B3GLCT: variants seen among roughly 807,000 people sequenced by gnomAD.
The protein encoded by B3GLCT is beta-1,3-glucosyltransferase.
A neutral mutation model predicts 63.4 loss-of-function variants in B3GLCT; 65 were observed. The observed-to-expected ratio is 1.03, with a 90% confidence interval of 0.84 to 1.26. The LOEUF (loss-of-function observed/expected upper bound fraction) is 1.26, where lower values mean the gene tolerates loss of function less well. B3GLCT is among the 50% of genes most tolerant of loss of function. The pLI, the probability that B3GLCT is intolerant of heterozygous loss-of-function variation, is 0.00. For missense variants in B3GLCT, 577 were observed against 604.8 expected (o/e 0.95, Z 0.48); for synonymous variants, 233 against 219.2 (o/e 1.06, Z -0.55).
intron 6 of B3GLCT, among the ~76,000 whole-genome samples, chr13:31,249,422 C>G (rs1871329299): frequency 6.6e-6 from 1 of 151,000 alleles, no homozygotes; most frequent in Non-Finnish European, 1.5e-5. Flanking sequence ...TGTGCACTTT[C>G]TGCCATGTTT....
intron 12 of B3GLCT, among the ~76,000 whole-genome samples, chr13:31,316,430 T>TATATATATAA (rs1298458509): frequency 8.5e-6 from 1 of 118,172 alleles, no homozygotes; most frequent in African/African-American, 3.2e-5. Flanking sequence ...TATATATATA[T>TATATATATAA]AAATTTTTTT....
At chr13:31,269,661 T>G (rs2137847191) in intron 8 of B3GLCT, among the ~76,000 whole-genome samples, 1 of 150,210 alleles carries the variant, frequency 6.7e-6, no homozygotes, top group South Asian at 2.2e-4. Flanking sequence ...AATTCATACC[T>G]TGAAACCTGA....
chr13:31,268,135 T>A (rs1187338143), intron 7 of B3GLCT, among the ~76,000 whole-genome samples: 1 of 152,230 alleles, frequency 6.6e-6, no homozygotes, highest in Non-Finnish European at 1.5e-5. Context: ...CATGAACTAC[T>A]GTGCCTAGCC....
intron 8 of B3GLCT, among the ~76,000 whole-genome samples, chr13:31,269,912 A>C (rs1872508464): frequency 6.6e-6 from 1 of 152,084 alleles, no homozygotes; most frequent in African/African-American, 2.4e-5. Flanking sequence ...GTGAGAAATA[A>C]ATTTGTTATT....
At chr13:31,315,820 C>T (rs1191029164) in intron 12 of B3GLCT, among the ~76,000 whole-genome samples, 1 of 152,224 alleles carries the variant, frequency 6.6e-6, no homozygotes, top group Non-Finnish European at 1.5e-5. Context: ...TTTCGTGGGC[C>T]TGGCCCAGGG....
intron 2 of B3GLCT, among the ~76,000 whole-genome samples, chr13:31,215,759 A>G (rs905570878): frequency 5.3e-5 from 8 of 152,168 alleles, no homozygotes; most frequent in African/African-American, 1.9e-4. Flanking sequence ...TTCTCAGTCT[A>G]TGAAAGGATT....
intron 12 of B3GLCT, among the ~76,000 whole-genome samples, chr13:31,288,598 C>T (rs1206831245): frequency 6.6e-6 from 1 of 152,212 alleles, no homozygotes; most frequent in Non-Finnish European, 1.5e-5. Context: ...CAGCTAATAA[C>T]CATACCCTAA....
chr13:31,315,495 G>A (rs1377842987), intron 12 of B3GLCT, among the ~76,000 whole-genome samples: 1 of 152,186 alleles, frequency 6.6e-6, no homozygotes, highest in Non-Finnish European at 1.5e-5. Flanking sequence ...TTTCTAAGGA[G>A]CAAAGCATTC....
chr13:31,216,393 T>C (rs1869565791), intron 2 of B3GLCT, among the ~76,000 whole-genome samples: 1 of 152,228 alleles, frequency 6.6e-6, no homozygotes, highest in Admixed American at 6.5e-5. Context: ...TTTTTTTCTT[T>C]TCAACTTGTG....
At chr13:31,220,500 TAAAAC>T (rs1000556443) in intron 2 of B3GLCT, among the ~76,000 whole-genome samples, 1 of 152,202 alleles carries the variant, frequency 6.6e-6, no homozygotes, top group Non-Finnish European at 1.5e-5. Flanking sequence ...GCAGAAATAA[TAAAAC>T]AAACCATGTG....
At chr13:31,269,532 G>A (rs1872486605) in intron 8 of B3GLCT, among the ~76,000 whole-genome samples, 1 of 152,122 alleles carries the variant, frequency 6.6e-6, no homozygotes, top group Admixed American at 6.5e-5. Context: ...AGATGAATGG[G>A]TCCAGAGGTA....
chr13:31,318,931 A>G (rs183241381), intron 13 of B3GLCT, among the ~76,000 whole-genome samples: 25 of 152,292 alleles, frequency 1.6e-4, no homozygotes, highest in Non-Finnish European at 3.4e-4. Context: ...TCTTCATTGC[A>G]TATTGGATTT....
In B3GLCT at chr13:31,247,848, T is replaced by C. The variant is rs1470878839; in HGVS notation, c.348-7T>C. On this transcript the variant is annotated splice_region_variant and splice_polypyrimidine_tract_variant and intron_variant, in intron 5 of 14. Coordinates refer to ENST00000343307, the MANE Select transcript of B3GLCT (RefSeq NM_194318.4). ...AGTGATTACTGAAACTTGTTTCTTT[T>C]GGTCAGTTTTTCTGTAACATATAGC... The C allele has an allele frequency of 2.1e-6, 3 of 1,441,348 alleles. No homozygotes were observed. The highest frequency in any genetic ancestry group is 1.1e-5 in the South Asian group (1 of 87,220). The allele number at this position is 1,441,348 out of a possible 1,614,324, so 89.3% of individuals were successfully genotyped here.
intron 3 of B3GLCT, among the ~76,000 whole-genome samples, chr13:31,226,205 C>T (rs140593276): frequency 1.0e-3 from 155 of 152,348 alleles, no homozygotes; most frequent in African/African-American, 3.5e-3. Flanking sequence ...TTTCCACTTA[C>T]TGCTTTGTGT....
chr13:31,222,552 A>T (rs1387743137), intron 2 of B3GLCT, among the ~76,000 whole-genome samples: 4 of 152,176 alleles, frequency 2.6e-5, no homozygotes, highest in African/African-American at 9.7e-5. Context: ...CATGAGGAGC[A>T]CCCTGCCAGG....
intron 4 of B3GLCT, among the ~76,000 whole-genome samples, chr13:31,233,476 G>C (rs1377743480): frequency 6.6e-6 from 1 of 152,090 alleles, no homozygotes; most frequent in Non-Finnish European, 1.5e-5. Flanking sequence ...CAACAGTCTA[G>C]TTGGTGGGGG....
chr13:31,313,686 C>T (rs955863037), intron 12 of B3GLCT, among the ~76,000 whole-genome samples: 2 of 152,102 alleles, frequency 1.3e-5, no homozygotes, highest in Admixed American at 1.3e-4. Flanking sequence ...AAAGAAAAAC[C>T]CATTTTCTGG....
At chr13:31,325,464 C>T (rs990287780) in intron 14 of B3GLCT, among the ~76,000 whole-genome samples, 3 of 151,910 alleles carry the variant, frequency 2.0e-5, no homozygotes, top group Non-Finnish European at 4.4e-5. Flanking sequence ...TTGTAGCAGC[C>T]CTTTTCATTT....
intron 1 of B3GLCT, among the ~76,000 whole-genome samples, chr13:31,213,830 T>C (rs1869419552): frequency 6.6e-6 from 1 of 152,094 alleles, no homozygotes; most frequent in African/African-American, 2.4e-5. Context: ...GGAGGCCTTG[T>C]ATAATGTCTA....
Sources: allele counts gnomAD v4.1 joint callset (sites outside exome capture counted in the v4.1 genomes callset), GRCh38; gene constraint gnomAD v4.1.1; transcripts MANE v1.5; gene names NCBI Gene and HGNC (gene_info 2026-07-23, HGNC 2026-07-21).